JMY: variants seen among roughly 807,000 people sequenced by gnomAD.
JMY encodes the protein junction-mediating and -regulatory protein.
Under a neutral mutation model 103.3 loss-of-function variants are expected in JMY, and 46 were observed. That is an observed-to-expected ratio of 0.45 (90% CI 0.35 to 0.57). The LOEUF (loss-of-function observed/expected upper bound fraction) is 0.57. Among genes scored for constraint, JMY ranks in the 20% least tolerant of loss-of-function variants. JMY has a pLI of 0.00. For synonymous variants in JMY, 526 were observed against 489.3 expected (o/e 1.07, Z -0.99); for missense variants, 1,238 against 1,255.2 (o/e 0.99, Z 0.21).
intron 1 of JMY, among the ~76,000 whole-genome samples, chr5:79,273,631 C>G (rs576011586): frequency 3.9e-5 from 6 of 152,110 alleles, no homozygotes; most frequent in Non-Finnish European, 8.8e-5. Context: ...AACTTCAGTT[C>G]AATATATGTT....
At chr5:79,257,681 A>G (rs1309283613) in intron 1 of JMY, among the ~76,000 whole-genome samples, 1 of 152,210 alleles carries the variant, frequency 6.6e-6, no homozygotes, top group Non-Finnish European at 1.5e-5. Context: ...GATATCATCC[A>G]TAACTGCCAC....
intron 1 of JMY, among the ~76,000 whole-genome samples, chr5:79,270,694 TTTATATA>T (rs1745756342): frequency 6.9e-6 from 1 of 144,454 alleles, no homozygotes; most frequent in Non-Finnish European, 1.5e-5. Context: ...TATTAATATA[TTTATATA>T]TTATATATTT....
chr5:79,298,893 A>G (rs940521347), intron 4 of JMY, among the ~76,000 whole-genome samples: 2 of 152,162 alleles, frequency 1.3e-5, no homozygotes, highest in Non-Finnish European at 2.9e-5. Flanking sequence ...TTTAAAACGT[A>G]TTCTTTTTAT....
intron 1 of JMY, among the ~76,000 whole-genome samples, chr5:79,261,471 C>A (rs1325263938): frequency 6.6e-6 from 1 of 152,054 alleles, no homozygotes; most frequent in Admixed American, 6.6e-5. Context: ...ACAGGAAGAT[C>A]ACTTAAGCCC....
intron 3 of JMY, 48 bp from the exon 4 acceptor site, chr5:79,291,082 T>G: frequency 7.6e-7 from 1 of 1,314,734 alleles, no homozygotes; most frequent in South Asian, 1.6e-5. Context: ...AATGCTTCAG[T>G]ATTAAGTTGT....
chr5:79,236,861 G>C lies in JMY; in HGVS notation c.211G>C (p.Gly71Arg). Residue 71 changes from glycine to arginine, a missense_variant, in exon 1 of 11, where the codon GGC becomes CGC. Physicochemically the swap from Gly to Arg is moderately radical, Grantham distance 125. Coordinates refer to ENST00000396137, the MANE Select transcript of JMY (RefSeq NM_152405.5). ...QAGARGGAEA[G>R]GAASDGSRGP... Reference sequence around the variant, plus strand: ...GGGGGCGCGAGGGGGCGCCGAGGCCGGCGGAGCTGCGTCCGACGGGAGCCG... The same window carrying C: ...GGGGGCGCGAGGGGGCGCCGAGGCCCGCGGAGCTGCGTCCGACGGGAGCCG... 6.9e-7 allele frequency: 1 copy of C among 1,442,674 alleles called. No individual in the cohort carries two copies. Among genetic ancestry groups the C allele is most frequent in the Non-Finnish European group, 9.2e-7 (1 of 1,092,310 alleles). 89.4% of individuals were successfully genotyped at this position (1,442,674 alleles called of 1,614,324 possible).
At chr5:79,241,553 A>G (rs994910245) in intron 1 of JMY, among the ~76,000 whole-genome samples, 4 of 152,180 alleles carry the variant, frequency 2.6e-5, no homozygotes, top group Admixed American at 2.0e-4. Context: ...GGGATGGTGA[A>G]TTCCCTGTAA....
intron 4 of JMY, among the ~76,000 whole-genome samples, chr5:79,297,233 A>G (rs1746589111): frequency 6.6e-6 from 1 of 152,096 alleles, no homozygotes; most frequent in Non-Finnish European, 1.5e-5. Flanking sequence ...AGGAGAGTAA[A>G]AGTTGAGCTA....
intron 2 of JMY, among the ~76,000 whole-genome samples, chr5:79,280,595 A>G (rs1223780575): frequency 6.6e-6 from 1 of 152,116 alleles, no homozygotes; most frequent in Non-Finnish European, 1.5e-5. Flanking sequence ...GAATTTGCAG[A>G]TATAAGTTTT....
At chr5:79,267,554 G>A (rs1745620503) in intron 1 of JMY, among the ~76,000 whole-genome samples, 1 of 152,162 alleles carries the variant, frequency 6.6e-6, no homozygotes, top group Admixed American at 6.5e-5. Flanking sequence ...TTTGCAGCTT[G>A]ATAGTTCATT....
At chr5:79,295,067 T>A (rs1393200917) in intron 4 of JMY, among the ~76,000 whole-genome samples, 1 of 152,212 alleles carries the variant, frequency 6.6e-6, no homozygotes, top group Non-Finnish European at 1.5e-5. Context: ...AAGGTTATAT[T>A]CCCCTCTTTC....
chr5:79,315,502 T>TA (rs1267201111), intron 9 of JMY, among the ~76,000 whole-genome samples: 1 of 152,250 alleles, frequency 6.6e-6, no homozygotes, highest in East Asian at 1.9e-4. Context: ...ATATTACTTG[T>TA]ATATTACATT....
chr5:79,272,919 A>G (rs563369340), intron 1 of JMY, among the ~76,000 whole-genome samples: 5 of 152,330 alleles, frequency 3.3e-5, no homozygotes, highest in African/African-American at 1.2e-4. Context: ...TACAGGCACG[A>G]GCCACTGCAC....
intron 1 of JMY, among the ~76,000 whole-genome samples, chr5:79,240,177 G>A (rs1313215967): frequency 1.2e-4 from 18 of 151,514 alleles, no homozygotes; most frequent in African/African-American, 3.9e-4. Flanking sequence ...CACCTTGTCC[G>A]GCTAATTTTT....
chr5:79,258,099 T>C (rs1306694344), intron 1 of JMY, among the ~76,000 whole-genome samples: 2 of 152,090 alleles, frequency 1.3e-5, no homozygotes, highest in Non-Finnish European at 2.9e-5. Context: ...GTACAGAGTG[T>C]GTATGTACAT....
chr5:79,284,487 GT>G, intron 2 of JMY: 3 of 1,586,948 alleles, frequency 1.9e-6, no homozygotes, highest in Non-Finnish European at 2.6e-6. Flanking sequence ...TGATTGTTGC[GT>G]TTTTTAGTAA....
At chr5:79,317,382 T>C (rs977486008) in intron 10 of JMY, among the ~76,000 whole-genome samples, 3 of 152,178 alleles carry the variant, frequency 2.0e-5, no homozygotes, top group African/African-American at 4.8e-5. Context: ...AATAGAGAGC[T>C]ATAGTCTACT....
chr5:79,262,306 C>T (rs538168701), intron 1 of JMY, among the ~76,000 whole-genome samples: 1 of 152,172 alleles, frequency 6.6e-6, no homozygotes, highest in Non-Finnish European at 1.5e-5. Flanking sequence ...CTTTATAATT[C>T]CTTTTAGTCT....
rs971653209 is a variant in JMY, at chr5:79,308,360, T to G, written c.1968+1899T>G. Among the ~76,000 whole-genome samples the G allele has an allele frequency of 2.6e-5, 4 of 152,214 alleles. No individual in the cohort carries two copies. In the East Asian group the frequency reaches 5.8e-4, roughly 22 times the overall value. The stretch of plus-strand genomic sequence containing the variant: ...GTTTTATAGTTTTGTGTTTTATATT[T>G]AAGTCTGTGATCCATTTTGAGGTAA... On this transcript the variant is annotated intron_variant, in intron 7 of 10. Coordinates refer to ENST00000396137, the MANE Select transcript of JMY (RefSeq NM_152405.5).
Sources: gnomAD v4.1 joint callset for allele counts (sites outside exome capture counted in the v4.1 genomes callset) on GRCh38, gnomAD v4.1.1 for gene constraint, MANE v1.5 for transcripts, NCBI Gene and HGNC (gene_info 2026-07-23, HGNC 2026-07-21) for gene names.